CRYM: variants seen among roughly 807,000 people sequenced by gnomAD.
The protein encoded by CRYM is crystallin mu, also known as ketimine reductase mu-crystallin.
Under a neutral mutation model 32.9 loss-of-function variants are expected in CRYM, and 18 were observed. That is an observed-to-expected ratio of 0.55 (90% CI 0.38 to 0.81). The LOEUF (loss-of-function observed/expected upper bound fraction) is 0.81. Ranked by LOEUF, CRYM falls within the 30% of genes least tolerant of loss-of-function variation. The probability of loss-of-function intolerance (pLI) is 0.00; values close to 1 mark genes in which losing one functional copy is unlikely to be tolerated. For synonymous variants in CRYM, 153 were observed against 152.4 expected (o/e 1.00, Z -0.03); for missense variants, 337 against 393.5 (o/e 0.86, Z 1.21).
chr16:21,291,203 T>C (rs541195510), intron 1 of CRYM, among the ~76,000 whole-genome samples: 2 of 152,210 alleles, frequency 1.3e-5, no homozygotes, highest in Non-Finnish European at 2.9e-5. Flanking sequence ...TTAAAAACTT[T>C]CTGCTTGATT....
intron 1 of CRYM, chr16:21,302,963 G>T (rs1960990230): frequency 6.4e-6 from 1 of 155,260 alleles, no homozygotes; most frequent in South Asian, 2.0e-4. Flanking sequence ...AAAGAAAGAG[G>T]TTTATTGGAC....
chr16:21,263,219 T>G (rs226049), intron 5 of CRYM, among the ~76,000 whole-genome samples: 1 of 152,040 alleles, frequency 6.6e-6, no homozygotes, highest in African/African-American at 2.4e-5. Flanking sequence ...CTGGCCAACA[T>G]GGTGAAACCC....
At chr16:21,284,413 C>A (rs894353084) in intron 1 of CRYM, among the ~76,000 whole-genome samples, 1 of 152,132 alleles carries the variant, frequency 6.6e-6, no homozygotes, top group Non-Finnish European at 1.5e-5. Flanking sequence ...GCGACCAACA[C>A]TACCATCTAA....
At chr16:21,302,534 C>A (rs1567245303) in intron 1 of CRYM, among the ~76,000 whole-genome samples, 3 of 152,196 alleles carry the variant, frequency 2.0e-5, no homozygotes, top group Non-Finnish European at 4.4e-5. Context: ...TCAGTCTAAA[C>A]TAACTCTGCT....
Position 21,258,672 on chromosome 16 carries a change from C to G in CRYM, c.*109G>C. 1.1e-6 allele frequency: 1 copy of G among 947,382 alleles called. No homozygotes were observed. The highest frequency in any genetic ancestry group is 2.4e-5 in the East Asian group (1 of 41,674). The allele number at this position is 947,382 out of a possible 1,614,324, so 58.7% of individuals were successfully genotyped here. ...AGCATTTAAGGTAAAACATGATAAG[C>G]ACAAAAGGAGAGTTCACTGGGGACT... On this transcript the variant is annotated 3_prime_UTR_variant, in exon 8 of 8. Coordinates refer to ENST00000572914, the MANE Select transcript of CRYM (RefSeq NM_001376256.1).
At chr16:21,285,641 C>G (rs2093406075) in intron 1 of CRYM, among the ~76,000 whole-genome samples, 1 of 152,218 alleles carries the variant, frequency 6.6e-6, no homozygotes, top group South Asian at 2.1e-4. Context: ...GCCAGTGTAT[C>G]TAATTATGTC....
At chr16:21,265,913 A>G (rs1421918006) in intron 5 of CRYM, among the ~76,000 whole-genome samples, 1 of 152,222 alleles carries the variant, frequency 6.6e-6, no homozygotes, top group Non-Finnish European at 1.5e-5. Context: ...TTCAAATCCC[A>G]GCTCTGCCAT....
intron 5 of CRYM, among the ~76,000 whole-genome samples, chr16:21,264,069 A>G (rs2093359436): frequency 6.6e-6 from 1 of 152,272 alleles, no homozygotes; most frequent in African/African-American, 2.4e-5. Flanking sequence ...ATAAAGCCTT[A>G]TACAAATATA....
intron 1 of CRYM, among the ~76,000 whole-genome samples, chr16:21,286,821 T>C (rs1260074715): frequency 1.3e-5 from 2 of 152,154 alleles, no homozygotes; most frequent in African/African-American, 2.4e-5. Context: ...CCGGGCGCAG[T>C]GGCTCACTCC....
chr16:21,269,899 A>C lies in CRYM; in HGVS notation c.388-8T>G. 1 of 1,603,518 alleles carries C rather than the reference A, an allele frequency of 6.2e-7. No individual in the cohort carries two copies. The highest frequency in any genetic ancestry group is 2.2e-5 in the East Asian group (1 of 44,830). On this transcript the variant is annotated splice_region_variant and splice_polypyrimidine_tract_variant and intron_variant, in intron 3 of 7. Coordinates refer to ENST00000572914, the MANE Select transcript of CRYM (RefSeq NM_001376256.1). ...GCTGGGAGGTTTCAGAAACTATATG[A>C]GAGAAATGAAGTGGCAAAGGTCAAG...
upstream of CRYM, among the ~76,000 whole-genome samples, chr16:21,280,117 C>T (rs774665785): frequency 2.6e-5 from 4 of 152,180 alleles, no homozygotes; most frequent in Non-Finnish European, 5.9e-5. Context: ...TGATAGTTCA[C>T]GCCTGTAATC....
chr16:21,290,496 C>T (rs1048799096), intron 1 of CRYM, among the ~76,000 whole-genome samples: 25 of 152,126 alleles, frequency 1.6e-4, no homozygotes, highest in Admixed American at 2.6e-4. Flanking sequence ...TAACACTCAC[C>T]GCAAGGGTCC....
rs371908837 is a variant in CRYM at position 21,276,604 on chromosome 16, T to C, written c.324+827A>G. Among the ~76,000 whole-genome samples, 76 of 152,098 alleles carry C rather than the reference T, an allele frequency of 5.0e-4. 1 individual carries two copies. In the South Asian group the frequency reaches 0.015, roughly 29 times the overall value. On this transcript the variant is annotated intron_variant, in intron 2 of 7. Transcript: ENST00000572914. Reference sequence around the variant, plus strand: ...TGAGCCTCAAGGACCTCAACAGAAATTGGGGGGAAGGGGAGTTAATAAAAA... The same window carrying C: ...TGAGCCTCAAGGACCTCAACAGAAACTGGGGGGAAGGGGAGTTAATAAAAA...
chr16:21,266,734 C>G (rs1370788162), intron 5 of CRYM, among the ~76,000 whole-genome samples: 2 of 152,148 alleles, frequency 1.3e-5, no homozygotes, highest in African/African-American at 4.8e-5. Flanking sequence ...GGCGTAGTGG[C>G]TCATACTTGT....
rs557431050 is a variant in CRYM at position 21,287,362 on chromosome 16, G to T, written c.-192-8402C>A. Among the ~76,000 whole-genome samples, 5 of 152,248 alleles carry T rather than the reference G, an allele frequency of 3.3e-5. No individual in the cohort carries two copies. In the South Asian group the frequency reaches 8.3e-4, roughly 25 times the overall value. ...ATGATATAACAGAAATATGTATTTG[G>T]TCTTCATCCCTTGTTCCTGGCACAG... is the stretch of plus-strand genomic sequence containing the variant. On this transcript the variant is annotated intron_variant, in intron 1 of 9. Coordinates refer to the CRYM transcript ENST00000219599.
chr16:21,258,831 C>T lies in CRYM; in HGVS notation c.895G>A (p.Asp299Asn). Residue 299 changes from aspartate (D) to asparagine (N), a missense_variant, in exon 8 of 8, where the codon GAC becomes AAC. Asp to Asn is a conservative substitution (Grantham distance 23, BLOSUM62 1). Coordinates refer to ENST00000572914, the MANE Select transcript of CRYM (RefSeq NM_001376256.1). ...VFKSLGMAVE[D>N]TVAAKLIYDS... ...TAGATGAGTTTGGCTGCAACTGTGT[C>T]TTCCACTGCCATTCCTAGAATAGAC... is the stretch of plus-strand genomic sequence containing the variant. The T allele has an allele frequency of 6.2e-7, 1 of 1,614,156 alleles. No individual in the cohort carries two copies. Among genetic ancestry groups the T allele is most frequent in the East Asian group, 2.2e-5 (1 of 44,878 alleles).
In CRYM at chr16:21,277,019, C is replaced by T. The variant is rs2093387931; in HGVS notation, c.324+412G>A. Among the ~76,000 whole-genome samples, 1 of 152,190 alleles carries T rather than the reference C, an allele frequency of 6.6e-6. No individual in the cohort carries two copies. The highest frequency in any genetic ancestry group is 2.4e-5 in the African/African-American group (1 of 41,446). ...TATGATTAGATATTAAAACAGGTCA[C>T]ACCGTATACCCCTCTGAAGACTCCC... On this transcript the variant is annotated intron_variant, in intron 2 of 7. Transcript: ENST00000572914. This position sits in a 1 kb window ranked among gnomAD's most constrained non-coding sequence, Gnocchi z 4.2.
chr16:21,281,938 T>C (rs1189914078), upstream of CRYM, among the ~76,000 whole-genome samples: 2 of 152,150 alleles, frequency 1.3e-5, no homozygotes, highest in Non-Finnish European at 2.9e-5. Context: ...ACCCCAACCC[T>C]CCTCCTTCAA....
At chr16:21,262,962 C>T (rs1488830983) in intron 5 of CRYM, among the ~76,000 whole-genome samples, 1 of 152,218 alleles carries the variant, frequency 6.6e-6, no homozygotes, top group Non-Finnish European at 1.5e-5. Context: ...AGAGACATCA[C>T]TTGGTGCTTA....
Sources: allele counts gnomAD v4.1 joint callset (sites outside exome capture counted in the v4.1 genomes callset), GRCh38; gene constraint gnomAD v4.1.1; non-coding constraint Gnocchi (gnomAD v3.1); transcripts MANE v1.5; gene names NCBI Gene and HGNC (gene_info 2026-07-23, HGNC 2026-07-21).